WIPF2: variants seen among roughly 807,000 people sequenced by gnomAD.
WIPF2 encodes WAS/WASL-interacting protein family member 2.
Under a neutral mutation model 38.8 loss-of-function variants are expected in WIPF2, and 23 were observed. That is an observed-to-expected ratio of 0.59 (90% CI 0.43 to 0.84). The LOEUF (loss-of-function observed/expected upper bound fraction) is 0.84, where lower values mean the gene tolerates loss of function less well. WIPF2 is among the 40% of genes least tolerant of loss of function. WIPF2 has a pLI of 0.00. For synonymous variants in WIPF2, 210 were observed against 223.2 expected, an observed-to-expected ratio of 0.94 and a Z score of 0.53; for missense variants, 574 against 580.5, an observed-to-expected ratio of 0.99 and a Z score of 0.11.
At chr17:40,237,764 G>T in intron 1 of WIPF2, among the ~76,000 whole-genome samples, 1 of 149,700 alleles carries the variant, frequency 6.7e-6, no homozygotes, top group Non-Finnish European at 1.5e-5. Context: ...TCCTGCCTCA[G>T]CCTCATAAGT....
chr17:40,261,424 A>T (rs1431324812), intron 3 of WIPF2, among the ~76,000 whole-genome samples: 2 of 151,644 alleles, frequency 1.3e-5, no homozygotes, highest in Non-Finnish European at 1.5e-5. Flanking sequence ...CAGCCTGCCA[A>T]GTAGTTGGGA....
intron 1 of WIPF2, among the ~76,000 whole-genome samples, chr17:40,225,633 A>G (rs781069834): frequency 2.6e-5 from 4 of 152,110 alleles, no homozygotes; most frequent in African/African-American, 7.2e-5. Flanking sequence ...GTTATCTCCA[A>G]TATGTTTTGG....
At chr17:40,262,491 T>C (rs1177611184) in intron 3 of WIPF2, 34 bp from the exon 4 acceptor site, 1 of 1,539,800 alleles carries the variant, frequency 6.5e-7, no homozygotes, top group Non-Finnish European at 9.0e-7. Flanking sequence ...GCTGAGAGCA[T>C]GTGAAATGAA....
At chr17:40,272,528 C>T (rs2032279831) in intron 5 of WIPF2, among the ~76,000 whole-genome samples, 2 of 152,100 alleles carry the variant, frequency 1.3e-5, no homozygotes. Context: ...GAAAATCGCT[C>T]ATTGATATTA....
intron 3 of WIPF2, among the ~76,000 whole-genome samples, chr17:40,262,220 A>G (rs899968488): frequency 2.0e-5 from 3 of 151,786 alleles, no homozygotes; most frequent in Non-Finnish European, 4.4e-5. Flanking sequence ...AGCTGGGACT[A>G]TATAGGCATG....
chr17:40,243,643 A>G (rs1015567802), intron 1 of WIPF2, among the ~76,000 whole-genome samples: 4 of 151,826 alleles, frequency 2.6e-5, no homozygotes, highest in African/African-American at 7.2e-5. Flanking sequence ...CCTCCTGAGT[A>G]GCTGGGATTA....
At chr17:40,271,195 C>T (rs947072925) in intron 5 of WIPF2, among the ~76,000 whole-genome samples, 1 of 152,134 alleles carries the variant, frequency 6.6e-6, no homozygotes, top group African/African-American at 2.4e-5. Flanking sequence ...AGGCTGATCT[C>T]GAACTCCTGG....
rs1353853175 is a variant in WIPF2, at chr17:40,283,042, C to T, written c.*4817C>T. Reference sequence around the variant, plus strand: ...TCTCTACTGAAAATACAAAAATTAACCGGTGTCATGGCGCATGCCTGTAGT... The same window carrying T: ...TCTCTACTGAAAATACAAAAATTAATCGGTGTCATGGCGCATGCCTGTAGT... On this transcript the variant is annotated 3_prime_UTR_variant, in exon 8 of 8. Transcript: ENST00000323571. 1 of 151,386 alleles carries T rather than the reference C, an allele frequency of 6.6e-6. No individual in the cohort carries two copies. Among genetic ancestry groups the T allele is most frequent in the Non-Finnish European group, 1.5e-5 (1 of 67,892 alleles). The allele number at this position is 151,386 out of a possible 1,614,324, so 9.4% of individuals were successfully genotyped here.
At chr17:40,274,963 G>T (rs1004841916) in intron 6 of WIPF2, among the ~76,000 whole-genome samples, 4 of 149,750 alleles carry the variant, frequency 2.7e-5, no homozygotes, top group African/African-American at 9.8e-5. Flanking sequence ...AAGTCGGCTG[G>T]GTGCAGTGGC....
rs542938045 is a variant in WIPF2, at chr17:40,246,739, A to G, written c.-69-9652A>G. On this transcript the variant is annotated intron_variant, in intron 1 of 7. Transcript: ENST00000323571. ...ATATTTACTTTTGTTCAATTCAGCA[A>G]GTGACTGCTGAGCAGCTACGGTATG... is the stretch of plus-strand genomic sequence containing the variant. Among the ~76,000 whole-genome samples the G allele has an allele frequency of 5.9e-5, 9 of 152,196 alleles. No individual in the cohort carries two copies. In the South Asian group the frequency reaches 1.9e-3, roughly 32 times the overall value.
intron 1 of WIPF2, among the ~76,000 whole-genome samples, chr17:40,251,963 G>A (rs990372617): frequency 6.6e-6 from 1 of 152,092 alleles, no homozygotes; most frequent in African/African-American, 2.4e-5. Context: ...CTTTTTTTAT[G>A]TACTTAATTT....
intron 1 of WIPF2, among the ~76,000 whole-genome samples, chr17:40,244,336 C>G (rs2031288391): frequency 6.6e-6 from 1 of 152,094 alleles, no homozygotes; most frequent in Admixed American, 6.6e-5. Flanking sequence ...GCTCCTGGCT[C>G]TTTTCTCATT....
Position 40,219,443 on chromosome 17 carries a change from A to G in WIPF2, c.-119A>G, listed in dbSNP as rs946072754. On this transcript the variant is annotated 5_prime_UTR_variant, in exon 1 of 8. Coordinates refer to ENST00000323571, the MANE Select transcript of WIPF2 (RefSeq NM_133264.5). ...CCGGGGGGCGAGCAGGACAGGACGA[A>G]GCCGGAGTGTAGGCGGCAGAGGATT... 2 of 298,566 alleles carry G rather than the reference A, an allele frequency of 6.7e-6. No individual in the cohort carries two copies. The highest frequency in any genetic ancestry group is 7.7e-5 in the South Asian group (2 of 25,846). 18.5% of individuals were successfully genotyped at this position (298,566 alleles called of 1,614,324 possible). A position where few individuals can be genotyped will look rare whatever the true frequency, so the allele number is the denominator to read the frequency against.
chr17:40,256,477 C>A lies in WIPF2; in HGVS notation c.18C>A (p.Pro6=). 1 of 1,608,488 alleles carries A rather than the reference C, an allele frequency of 6.2e-7. No individual in the cohort carries two copies. Among genetic ancestry groups the A allele is most frequent in the Non-Finnish European group, 8.5e-7 (1 of 1,177,880 alleles). The change falls in exon 2 of 8, where the codon CCC becomes CCA. Residue 6 remains proline (P), a synonymous_variant. Transcript: ENST00000323571. MPIPP[P]PPPPPGPPPP... is the part of the protein sequence containing the mutation. ...GGGCAAGAATGCCAATTCCTCCTCC[C>A]CCGCCACCCCCACCTGGTCCTCCTC...
chr17:40,254,738 C>CA (rs1026059652), intron 1 of WIPF2, among the ~76,000 whole-genome samples: 2 of 145,656 alleles, frequency 1.4e-5, no homozygotes, highest in Non-Finnish European at 3.0e-5. Context: ...ATGATTTTTC[C>CA]TTTTTTTTTT....
At chr17:40,264,348 A>AG (rs1567721842) in intron 4 of WIPF2, 142 bp from the exon 5 acceptor site, 65 of 676,512 alleles carry the variant, frequency 9.6e-5, no homozygotes, top group African/African-American at 7.9e-4. Context: ...AAAAAAAAAA[A>AG]AAAAAGAAAA....
intron 1 of WIPF2, among the ~76,000 whole-genome samples, chr17:40,252,788 A>C (rs142737224): frequency 6.7e-6 from 1 of 148,762 alleles, no homozygotes; most frequent in African/African-American, 2.5e-5. Context: ...TTTGAGATGG[A>C]GTTTCGCTCT....
intron 1 of WIPF2, among the ~76,000 whole-genome samples, chr17:40,232,597 G>A (rs897860673): frequency 2.0e-5 from 3 of 151,564 alleles, no homozygotes; most frequent in Non-Finnish European, 4.4e-5. Flanking sequence ...GGGATTACAG[G>A]TATGAGCCAC....
At chr17:40,273,422 G>A (rs1245714073) in intron 5 of WIPF2, among the ~76,000 whole-genome samples, 1 of 152,168 alleles carries the variant, frequency 6.6e-6, no homozygotes, top group African/African-American at 2.4e-5. Flanking sequence ...TTGGTGTTAT[G>A]CAAAATGAAT....
Sources: gnomAD v4.1 joint callset for allele counts (sites outside exome capture counted in the v4.1 genomes callset) on GRCh38, gnomAD v4.1.1 for gene constraint, MANE v1.5 for transcripts, NCBI Gene and HGNC (gene_info 2026-07-23, HGNC 2026-07-21) for gene names.